Variants in ZMYND11 observed in about 807,000 individuals in gnomAD.
ZMYND11 encodes the protein zinc finger MYND-type containing 11.
A neutral mutation model predicts 84.9 loss-of-function variants in ZMYND11; 9 were observed. The observed-to-expected ratio is 0.11, with a 90% CI of 0.06 to 0.18. ZMYND11 has a LOEUF of 0.18. ZMYND11 is among the 10% of genes least tolerant of loss of function. The pLI, the probability that ZMYND11 is intolerant of heterozygous loss-of-function variation, is 1.00. For missense variants in ZMYND11, 409 were observed against 761.0 expected (o/e 0.54, Z 5.44); for synonymous variants, 250 against 244.1 (o/e 1.02, Z -0.23).
chr10:252,642 G>C lies in ZMYND11; in HGVS notation c.*172G>C, dbSNP rs911807495. 2 of 812,554 alleles carry C rather than the reference G, an allele frequency of 2.5e-6. No individual in the cohort carries two copies. The highest frequency in any genetic ancestry group is 2.6e-5 in the South Asian group (1 of 37,874). 50.3% of individuals were successfully genotyped at this position (812,554 alleles called of 1,614,324 possible). ...TTAAATCTTTTGTTAATGCTCCTCC[G>C]AAGTTTTTCAGGGGGTAAAAGTAAC... On this transcript the variant is annotated 3_prime_UTR_variant, in exon 15 of 15. Transcript: ENST00000381604. The surrounding 1 kb of genome is among the most constrained non-coding windows in gnomAD (Gnocchi z 4.6).
chr10:138,115 T>G (rs1447592642), intron 1 of ZMYND11, among the ~76,000 whole-genome samples: 6 of 150,956 alleles, frequency 4.0e-5, no homozygotes, highest in African/African-American at 9.7e-5. Flanking sequence ...TTGGCGTTTT[T>G]TTTTTTTTTT....
At chr10:149,028 A>C (rs1488442118) in intron 1 of ZMYND11, among the ~76,000 whole-genome samples, 3 of 152,182 alleles carry the variant, frequency 2.0e-5, no homozygotes, top group Non-Finnish European at 4.4e-5. Flanking sequence ...GAACTTGAAG[A>C]ATAGAGTAGG....
In ZMYND11 at chr10:139,408, A is replaced by G. The variant is rs183384716; in HGVS notation, c.-20+3849A>G. 3.3e-3 allele frequency among the ~76,000 whole-genome samples: 496 copies of G among 152,206 alleles called. 5 individuals carry two copies. The highest frequency in any genetic ancestry group is 0.011 in the African/African-American group (450 of 41,536). ...AGCATATGTGAGTTTATTTCTACCAATATCTCTTACATACTTTCAGTTACT... is the reference window on the plus strand; with the variant it reads ...AGCATATGTGAGTTTATTTCTACCAGTATCTCTTACATACTTTCAGTTACT... On this transcript the variant is annotated intron_variant, in intron 1 of 14. Transcript: ENST00000381604.
chr10:167,465 T>C (rs1844271521), intron 1 of ZMYND11, among the ~76,000 whole-genome samples: 1 of 152,156 alleles, frequency 6.6e-6, no homozygotes, highest in African/African-American at 2.4e-5. Context: ...CTAGTATAAC[T>C]AAAAAAGTAA....
intron 1 of ZMYND11, among the ~76,000 whole-genome samples, chr10:146,605 G>A (rs931865066): frequency 2.0e-5 from 3 of 152,094 alleles, no homozygotes; most frequent in Non-Finnish European, 1.5e-5. Flanking sequence ...TATACTCCTA[G>A]GGTTTTGTTG....
At chr10:184,751 T>G (rs1007915270) in intron 2 of ZMYND11, among the ~76,000 whole-genome samples, 2 of 152,212 alleles carry the variant, frequency 1.3e-5, no homozygotes, top group African/African-American at 2.4e-5. Flanking sequence ...GAAATCACTT[T>G]CCCTAAACTT....
upstream of ZMYND11, chr10:135,311 T>C (rs1379017192): frequency 6.6e-6 from 1 of 150,646 alleles, no homozygotes; most frequent in African/African-American, 2.4e-5. The surrounding 1 kb of genome is among the most constrained non-coding windows in gnomAD (Gnocchi z 5.6). Context: ...AGGTGGAGTA[T>C]TACAAACATG....
intron 10 of ZMYND11, among the ~76,000 whole-genome samples, chr10:243,205 T>G (rs894258708): frequency 6.6e-6 from 1 of 152,176 alleles, no homozygotes; most frequent in East Asian, 1.9e-4. Flanking sequence ...CATAAGAGTT[T>G]TTGTAAGGTT....
At chr10:229,900 G>A (rs1280615467) in intron 4 of ZMYND11, among the ~76,000 whole-genome samples, 1 of 152,080 alleles carries the variant, frequency 6.6e-6, no homozygotes, top group African/African-American at 2.4e-5. Flanking sequence ...ATTACAGAGT[G>A]TTTTGATTTC....
At chr10:189,825 A>G (rs1479166383) in intron 2 of ZMYND11, among the ~76,000 whole-genome samples, 1 of 152,234 alleles carries the variant, frequency 6.6e-6, no homozygotes, top group African/African-American at 2.4e-5. Context: ...ATCAGTTTAC[A>G]ACACTATAGA....
intron 4 of ZMYND11, 116 bp downstream of exon 4, chr10:221,472 G>T: frequency 1.0e-6 from 1 of 981,222 alleles, no homozygotes. Flanking sequence ...CTGGAGGGTG[G>T]GGGTTATCTA....
intron 2 of ZMYND11, among the ~76,000 whole-genome samples, chr10:191,414 C>T (rs1940353531): frequency 1.3e-5 from 2 of 152,162 alleles, no homozygotes; most frequent in Admixed American, 1.3e-4. Flanking sequence ...CTCATTTCAT[C>T]CTCACAACAA....
intron 10 of ZMYND11, among the ~76,000 whole-genome samples, chr10:242,661 A>G (rs1951247913): frequency 2.0e-5 from 3 of 152,236 alleles, no homozygotes. Context: ...AAAAAGTGAC[A>G]GAAACCAGCT....
chr10:210,612 C>A (rs948811733), intron 3 of ZMYND11, among the ~76,000 whole-genome samples: 1 of 152,174 alleles, frequency 6.6e-6, no homozygotes, highest in Non-Finnish European at 1.5e-5. Flanking sequence ...AACATTAATT[C>A]TCTTTACGTT....
At chr10:134,931 GCGGCCGCGAGCCGGGC>G (rs1226802931), upstream of ZMYND11, 1 of 150,180 alleles carries the variant, frequency 6.7e-6, no homozygotes, top group Non-Finnish European at 1.5e-5. Flanking sequence ...CGGGCGGGAG[GCGGCCGCGAGCCGGGC>G]CGGCCGCGCG....
At chr10:236,140 C>T (rs1949920473) in intron 4 of ZMYND11, among the ~76,000 whole-genome samples, 1 of 152,204 alleles carries the variant, frequency 6.6e-6, no homozygotes, top group African/African-American at 2.4e-5. Context: ...GGAGTTTTGC[C>T]TTTGCTTCCT....
rs1950622240 is a variant in ZMYND11, at chr10:240,129, ATAGT to A, written c.753+21_753+24del. 6.3e-7 allele frequency: 1 copy of A among 1,576,000 alleles called. No homozygotes were observed. Among genetic ancestry groups the A allele is most frequent in the African/African-American group, 1.4e-5 (1 of 73,822 alleles). ...GTCATGAGGTACTATTCATTGCCCA[ATAGT>A]TATACTCTTTCTATAACTGAAATTA... On this transcript the variant is annotated intron_variant, in intron 8 of 14. Transcript: ENST00000381604.
chr10:137,341 G>C (rs563888637), intron 1 of ZMYND11, among the ~76,000 whole-genome samples: 195 of 152,232 alleles, frequency 1.3e-3, no homozygotes, highest in African/African-American at 4.3e-3. Flanking sequence ...TGCAGGTTGG[G>C]TTTTTAGGGA....
chr10:250,338 C>A (rs1953160118), intron 14 of ZMYND11, among the ~76,000 whole-genome samples: 1 of 152,190 alleles, frequency 6.6e-6, no homozygotes, highest in South Asian at 2.1e-4. Context: ...AGAAGCACAA[C>A]ACCCAAAGAC....
Sources: allele counts gnomAD v4.1 joint callset (sites outside exome capture counted in the v4.1 genomes callset), GRCh38; gene constraint gnomAD v4.1.1; non-coding constraint Gnocchi (gnomAD v3.1); transcripts MANE v1.5; gene names NCBI Gene and HGNC (gene_info 2026-07-23, HGNC 2026-07-21).